The following ZAP70 variants were observed in gnomAD, a reference collection of about 807,000 sequenced individuals.
The protein encoded by ZAP70 is tyrosine-protein kinase ZAP-70.
A neutral mutation model predicts 65.8 loss-of-function variants in ZAP70; 27 were observed. That is an observed-to-expected ratio of 0.41 (90% CI 0.30 to 0.57). The LOEUF is 0.57. Among genes scored for constraint, ZAP70 ranks in the 20% least tolerant of loss-of-function variants. The probability of loss-of-function intolerance (pLI) is 0.28; values close to 1 mark genes in which losing one functional copy is unlikely to be tolerated. For synonymous variants in ZAP70, 363 were observed against 360.8 expected (o/e 1.01, Z -0.07); for missense variants, 696 against 870.5 (o/e 0.80, Z 2.52).
intron 13 of ZAP70, among the ~76,000 whole-genome samples, chr2:97,739,013 TG>T (rs1339219834): frequency 6.6e-6 from 1 of 152,134 alleles, no homozygotes; most frequent in East Asian, 1.9e-4. Context: ...ACTGATACCC[TG>T]GCCCCAGGTG....
rs1319781619 is a variant in ZAP70 at position 97,725,300 on chromosome 2, G to T, written c.563+48G>T. ...GTGCGGTGAGGATTGGGGCTCGTTG[G>T]CAGGGATCCTGGGGACTGGGGCAGA... On this transcript the variant is annotated intron_variant, in intron 4 of 13. Coordinates refer to ENST00000264972, the MANE Select transcript of ZAP70 (RefSeq NM_001079.4). 9 of 1,602,868 alleles carry T rather than the reference G, an allele frequency of 5.6e-6. No individual in the cohort carries two copies. In the South Asian group the frequency reaches 9.9e-5, roughly 18 times the overall value.
chr2:97,740,596 G>A (rs905779621), downstream of ZAP70, among the ~76,000 whole-genome samples: 2 of 152,192 alleles, frequency 1.3e-5, no homozygotes, highest in Non-Finnish European at 2.9e-5. Context: ...TAAAAAATGG[G>A]TGTCAAGTAC....
intron 2 of ZAP70, among the ~76,000 whole-genome samples, chr2:97,721,868 C>A (rs1425515310): frequency 1.3e-5 from 2 of 151,738 alleles, no homozygotes; most frequent in African/African-American, 4.8e-5. Context: ...CTCACTGCAA[C>A]CTCCGCCTCC....
the ZAP70 span, among the ~76,000 whole-genome samples, chr2:97,754,786 G>GA: frequency 6.6e-6 from 1 of 152,322 alleles, no homozygotes; most frequent in South Asian, 2.1e-4. Context: ...CTTTGGTGTA[G>GA]AAAGAGAATC....
At chr2:97,740,190 C>T (rs1385712377), downstream of ZAP70, among the ~76,000 whole-genome samples, 1 of 152,148 alleles carries the variant, frequency 6.6e-6, no homozygotes, top group Non-Finnish European at 1.5e-5. Context: ...CCCCCCCTCC[C>T]CCATCCAGCT....
chr2:97,747,814 G>GGT, the ZAP70 span, among the ~76,000 whole-genome samples: 1 of 97,066 alleles, frequency 1.0e-5, no homozygotes, highest in Non-Finnish European at 2.1e-5. Context: ...ACTGGCACGA[G>GGT]GTTTTTTTTT....
rs73959786 is a variant in ZAP70, at chr2:97,715,779, C to T, written c.-22+1785C>T. Among the ~76,000 whole-genome samples, 1 of 152,126 alleles carries T rather than the reference C, an allele frequency of 6.6e-6. No individual in the cohort carries two copies. The highest frequency in any genetic ancestry group is 1.5e-5 in the Non-Finnish European group (1 of 68,036). On this transcript the variant is annotated intron_variant, in intron 2 of 13. Transcript: ENST00000264972. The surrounding 1 kb of genome is among the most constrained non-coding windows in gnomAD (Gnocchi z 4.1). ...AGCTGAGGAGTGGGATAACAGTTCC[C>T]ACCAAATGTAGTTGTGGTGAGAATT...
the ZAP70 span, among the ~76,000 whole-genome samples, chr2:97,750,601 T>C: frequency 3.9e-5 from 6 of 152,216 alleles, no homozygotes; most frequent in Non-Finnish European, 7.3e-5. Context: ...GCAAGGACTG[T>C]TAGTCCTCGT....
chr2:97,750,867 G>C, the ZAP70 span, among the ~76,000 whole-genome samples: 1 of 152,234 alleles, frequency 6.6e-6, no homozygotes, highest in Non-Finnish European at 1.5e-5. Context: ...TAGTCGGTTG[G>C]ACTTTCAGAG....
rs756281260 is a variant in ZAP70, at chr2:97,715,513, C to T, written c.-22+1519C>T. Among the ~76,000 whole-genome samples, 8 of 152,198 alleles carry T rather than the reference C, an allele frequency of 5.3e-5. No individual in the cohort carries two copies. Among genetic ancestry groups the T allele is most frequent in the Non-Finnish European group, 4.4e-5 (3 of 68,044 alleles). ...GGCAGTGGAGGCCGGAGTTGGGGGC[C>T]TCACTGGAGGGGCGGTGGAAGGGCA... On this transcript the variant is annotated intron_variant, in intron 2 of 13. Coordinates refer to ENST00000264972, the MANE Select transcript of ZAP70 (RefSeq NM_001079.4). This position sits in a 1 kb window ranked among gnomAD's most constrained non-coding sequence, Gnocchi z 4.1.
chr2:97,737,947 G>T lies in ZAP70; in HGVS notation c.1624-48G>T. On this transcript the variant is annotated intron_variant, in intron 12 of 13. Transcript: ENST00000264972. The surrounding 1 kb of genome is among the most constrained non-coding windows in gnomAD (Gnocchi z 5.0). ...GCGGTGTGGTGGGGAGGGGGATGAG[G>T]AGGAGGACACTGGTCACTCACAGGT... The T allele has an allele frequency of 1.9e-6, 3 of 1,614,038 alleles. No homozygotes were observed. In the South Asian group the frequency reaches 3.3e-5, roughly 18 times the overall value.
the ZAP70 span, among the ~76,000 whole-genome samples, chr2:97,750,324 T>C: frequency 2.0e-5 from 3 of 152,286 alleles, no homozygotes; most frequent in East Asian, 5.8e-4. Flanking sequence ...TAAGAGGGTG[T>C]CAGGAAGTAG....
At chr2:97,732,547 C>T (rs1265815030) in intron 4 of ZAP70, among the ~76,000 whole-genome samples, 1 of 152,204 alleles carries the variant, frequency 6.6e-6, no homozygotes, top group African/African-American at 2.4e-5. Flanking sequence ...CCATGGGGGA[C>T]CAGGTGTTCC....
At chr2:97,752,955 A>G in the ZAP70 span, among the ~76,000 whole-genome samples, 6 of 152,350 alleles carry the variant, frequency 3.9e-5, no homozygotes, top group South Asian at 1.2e-3. Flanking sequence ...GGCATCTCTA[A>G]CAAAATTACT....
the ZAP70 span, among the ~76,000 whole-genome samples, chr2:97,752,461 A>G: frequency 6.6e-6 from 1 of 152,100 alleles, no homozygotes; most frequent in East Asian, 1.9e-4. Context: ...AACTTTCCCC[A>G]TTTTCTTTTT....
Position 97,737,463 on chromosome 2 carries a change from G to C in ZAP70, c.1290-10G>C. The C allele has an allele frequency of 6.2e-7, 1 of 1,613,938 alleles. No homozygotes were observed. Among genetic ancestry groups the C allele is most frequent in the East Asian group, 2.2e-5 (1 of 44,862 alleles). On this transcript the variant is annotated splice_polypyrimidine_tract_variant and intron_variant, in intron 10 of 13. Transcript: ENST00000264972. This position sits in a 1 kb window ranked among gnomAD's most constrained non-coding sequence, Gnocchi z 5.0. Reference sequence around the variant, plus strand: ...TCTCCCAGCTGACCCCGCCTTCCCCGCCACCCCAGGGAGGAGATCCCTGTG... The same window carrying C: ...TCTCCCAGCTGACCCCGCCTTCCCCCCCACCCCAGGGAGGAGATCCCTGTG...
At chr2:97,752,222 C>A in the ZAP70 span, among the ~76,000 whole-genome samples, 4 of 152,154 alleles carry the variant, frequency 2.6e-5, no homozygotes, top group Non-Finnish European at 5.9e-5. Context: ...CTCTCCAGTT[C>A]CTGCTCACGT....
At position 97,734,486 on chromosome 2, in the gene ZAP70, C is replaced by T. The variant is rs778114683; in HGVS notation, c.890-34C>T. 7 of 1,600,070 alleles carry T rather than the reference C, an allele frequency of 4.4e-6. No homozygotes were observed. The South Asian group carries it at 7.8e-5, about 18-fold the overall frequency. On this transcript the variant is annotated intron_variant, in intron 8 of 13. Coordinates refer to ENST00000264972, the MANE Select transcript of ZAP70 (RefSeq NM_001079.4). The stretch of plus-strand genomic sequence containing the variant: ...CTGCCTTGCTCCCCACACCCCTGCC[C>T]CTGACCTGGGAGTGTACCGCTGTGT...
At chr2:97,729,265 G>A (rs147208041) in intron 4 of ZAP70, among the ~76,000 whole-genome samples, 243 of 152,314 alleles carry the variant, frequency 1.6e-3, no homozygotes, top group African/African-American at 5.6e-3. Flanking sequence ...TAAGGAAACC[G>A]AGGCACAGCG....
Sources: allele counts gnomAD v4.1 joint callset (sites outside exome capture counted in the v4.1 genomes callset), GRCh38; gene constraint gnomAD v4.1.1; non-coding constraint Gnocchi (gnomAD v3.1); transcripts MANE v1.5; gene names NCBI Gene and HGNC (gene_info 2026-07-23, HGNC 2026-07-21).